The following ALK variants were observed in gnomAD, a reference collection of about 807,000 sequenced individuals.
The protein encoded by ALK is ALK receptor tyrosine kinase, also known as ALK tyrosine kinase receptor.
In ALK, 74 loss-of-function variants were observed where a neutral mutation model predicts 163.1. The observed-to-expected ratio is 0.45, with a 90% CI of 0.38 to 0.55. ALK has a LOEUF of 0.55. ALK is among the 20% of genes least tolerant of loss of function. The pLI is 0.00. For synonymous variants in ALK, 960 were observed against 843.2 expected, an observed-to-expected ratio of 1.14 and a Z score of -2.40; for missense variants, 2,063 against 2,105.3, an observed-to-expected ratio of 0.98 and a Z score of 0.39.
At chr2:29,318,485 C>T (rs1171503321) in intron 7 of ALK, 81 bp from the exon 8 acceptor site, 2 of 949,390 alleles carry the variant, frequency 2.1e-6, no homozygotes, top group East Asian at 4.8e-5. Flanking sequence ...GGACTGTGCA[C>T]AGTTCTTATC....
intron 3 of ALK, among the ~76,000 whole-genome samples, chr2:29,671,816 A>C (rs1345495297): frequency 6.6e-6 from 1 of 151,978 alleles, no homozygotes; most frequent in Non-Finnish European, 1.5e-5. Context: ...TGGGGAGTAA[A>C]ACCAGCTTGC....
chr2:29,881,986 G>C (rs908896140), intron 1 of ALK, among the ~76,000 whole-genome samples: 4 of 152,066 alleles, frequency 2.6e-5, no homozygotes, highest in Non-Finnish European at 4.4e-5. Flanking sequence ...CTGCCCTTCT[G>C]ATCTGACCCT....
chr2:29,300,835 G>T (rs1229516383), intron 8 of ALK, among the ~76,000 whole-genome samples: 1 of 152,142 alleles, frequency 6.6e-6, no homozygotes, highest in African/African-American at 2.4e-5. Context: ...GAGGAGGAGA[G>T]GTTGGGTGGA....
At chr2:29,532,302 T>C (rs1236827783) in intron 3 of ALK, among the ~76,000 whole-genome samples, 186 bp from the exon 4 acceptor site, 1 of 152,240 alleles carries the variant, frequency 6.6e-6, no homozygotes, top group Non-Finnish European at 1.5e-5. Flanking sequence ...TATAGCCTGA[T>C]GCAGGTGGAC....
At chr2:29,575,733 C>T (rs1424703974) in intron 3 of ALK, among the ~76,000 whole-genome samples, 2 of 152,104 alleles carry the variant, frequency 1.3e-5, no homozygotes, top group South Asian at 2.1e-4. Flanking sequence ...GCAATTTTGC[C>T]GGCAGATAAG....
Position 29,212,052 on chromosome 2 carries a change from G to A in ALK, c.3743+1932C>T, listed in dbSNP as rs1448204325. Reference sequence around the variant, plus strand: ...GATGTCAAAAGGTCAGAGGACAAATGGAAATGATCCCTCAGCCAGAGAATC... The same window carrying A: ...GATGTCAAAAGGTCAGAGGACAAATAGAAATGATCCCTCAGCCAGAGAATC... On this transcript the variant is annotated intron_variant, in intron 24 of 28. Coordinates refer to ENST00000389048, the MANE Select transcript of ALK (RefSeq NM_004304.5). Among the ~76,000 whole-genome samples the A allele has an allele frequency of 2.0e-5, 3 of 152,176 alleles. No individual in the cohort carries two copies. The East Asian group carries it at 5.8e-4, about 29-fold the overall frequency.
intron 3 of ALK, among the ~76,000 whole-genome samples, chr2:29,562,374 A>G (rs1280900749): frequency 6.6e-6 from 1 of 151,640 alleles, no homozygotes; most frequent in African/African-American, 2.4e-5. Flanking sequence ...ACTCTTTTCT[A>G]CACTATACAT....
chr2:29,562,005 G>T (rs1407602403), intron 3 of ALK, among the ~76,000 whole-genome samples: 1 of 152,104 alleles, frequency 6.6e-6, no homozygotes, highest in Non-Finnish European at 1.5e-5. Flanking sequence ...GTGAACTTTG[G>T]ATTAATAGAG....
intron 1 of ALK, among the ~76,000 whole-genome samples, chr2:29,824,957 C>T (rs992980971): frequency 6.6e-5 from 10 of 152,108 alleles, no homozygotes; most frequent in East Asian, 3.9e-4. Flanking sequence ...TGAATTTCCA[C>T]GTATTGTGGG....
intron 4 of ALK, among the ~76,000 whole-genome samples, chr2:29,488,086 C>G (rs988224817): frequency 6.6e-6 from 1 of 152,140 alleles, no homozygotes; most frequent in Non-Finnish European, 1.5e-5. Flanking sequence ...CCTTATCTGA[C>G]TTAACTTCAT....
chr2:29,625,780 G>A (rs1676176861), intron 3 of ALK, among the ~76,000 whole-genome samples: 1 of 152,190 alleles, frequency 6.6e-6, no homozygotes, highest in Admixed American at 6.5e-5. Context: ...GCCTGCTGCT[G>A]GAGGGCCAGG....
chr2:29,314,846 G>A (rs1488075915), intron 8 of ALK, among the ~76,000 whole-genome samples: 2 of 152,078 alleles, frequency 1.3e-5, no homozygotes, highest in Non-Finnish European at 2.9e-5. Context: ...CAGGGGGCTG[G>A]GGTGGTGTCA....
chr2:29,575,854 C>A (rs995584731), intron 3 of ALK, among the ~76,000 whole-genome samples: 1 of 152,158 alleles, frequency 6.6e-6, no homozygotes, highest in African/African-American at 2.4e-5. Flanking sequence ...GCCAAATGCT[C>A]CAACAGAGTG....
At chr2:29,412,808 C>T (rs1303820096) in intron 4 of ALK, among the ~76,000 whole-genome samples, 1 of 152,194 alleles carries the variant, frequency 6.6e-6, no homozygotes, top group African/African-American at 2.4e-5. Flanking sequence ...AAGCTTTTTG[C>T]TTTGGCCATG....
chr2:29,215,954 C>G (rs539398463), intron 23 of ALK, among the ~76,000 whole-genome samples: 1 of 152,178 alleles, frequency 6.6e-6, no homozygotes, highest in Non-Finnish European at 1.5e-5. Context: ...AGTGCCTCAT[C>G]AGGGGACCCG....
intron 1 of ALK, among the ~76,000 whole-genome samples, chr2:29,848,316 T>G (rs1422862123): frequency 6.6e-6 from 1 of 151,884 alleles, no homozygotes; most frequent in Non-Finnish European, 1.5e-5. Context: ...GCAGCCTGCA[T>G]GTTTCATGCT....
intron 1 of ALK, among the ~76,000 whole-genome samples, chr2:29,856,027 G>C (rs1666129778): frequency 6.6e-6 from 1 of 152,160 alleles, no homozygotes; most frequent in Non-Finnish European, 1.5e-5. Context: ...GATGAAATAT[G>C]CATATTCTGT....
chr2:29,918,003 A>G (rs1168852149), intron 1 of ALK, among the ~76,000 whole-genome samples: 2 of 152,264 alleles, frequency 1.3e-5, no homozygotes, highest in Non-Finnish European at 2.9e-5. Flanking sequence ...CCTACAGCCA[A>G]TAGCAGAGAA....
At chr2:29,715,662 T>C (rs1454586451) in intron 2 of ALK, among the ~76,000 whole-genome samples, 2 of 152,240 alleles carry the variant, frequency 1.3e-5, no homozygotes, top group Non-Finnish European at 2.9e-5. Context: ...TTATAAAAAT[T>C]GTCCTTCTGT....
Sources: gnomAD v4.1 joint callset for allele counts (sites outside exome capture counted in the v4.1 genomes callset) on GRCh38, gnomAD v4.1.1 for gene constraint, MANE v1.5 for transcripts, NCBI Gene and HGNC (gene_info 2026-07-23, HGNC 2026-07-21) for gene names.